Variants in MATCAP2 observed in about 807,000 individuals in gnomAD.
MATCAP2 encodes the protein microtubule associated tyrosine carboxypeptidase 2.
the MATCAP2 span, among the ~76,000 whole-genome samples, chr7:36,339,805 T>G: frequency 6.6e-6 from 1 of 152,220 alleles, no homozygotes; most frequent in Admixed American, 6.5e-5. Context: ...GGTTAAAAAT[T>G]ATCTCTAAGA....
At chr7:36,329,410 T>C in the MATCAP2 span, among the ~76,000 whole-genome samples, 27 of 152,210 alleles carry the variant, frequency 1.8e-4, no homozygotes, top group South Asian at 5.6e-3. Flanking sequence ...GAAGCAAGAG[T>C]ACCCCAGTAG....
At chr7:36,380,586 G>A in the MATCAP2 span, among the ~76,000 whole-genome samples, 1 of 152,186 alleles carries the variant, frequency 6.6e-6, no homozygotes, top group Admixed American at 6.5e-5. Context: ...GAGCAAGTGA[G>A]GCTTAAAGGA....
chr7:36,357,430 C>G, the MATCAP2 span: 1 of 1,614,090 alleles, frequency 6.2e-7, no homozygotes, highest in Non-Finnish European at 8.5e-7. Context: ...CCTCCTTGCT[C>G]TGTAGTAGGA....
the MATCAP2 span, among the ~76,000 whole-genome samples, chr7:36,330,501 A>G: frequency 6.6e-6 from 1 of 152,216 alleles, no homozygotes. Context: ...CAATGTATAA[A>G]TCTTGATTGG....
At chr7:36,351,630 T>C in the MATCAP2 span, among the ~76,000 whole-genome samples, 1 of 152,078 alleles carries the variant, frequency 6.6e-6, no homozygotes, top group African/African-American at 2.4e-5. Flanking sequence ...CACAGAACTA[T>C]TAACTTCCAT....
chr7:36,350,290 T>C, the MATCAP2 span, among the ~76,000 whole-genome samples: 1 of 152,202 alleles, frequency 6.6e-6, no homozygotes, highest in East Asian at 1.9e-4. Context: ...TAATATTATA[T>C]ATGTACCTAT....
the MATCAP2 span, among the ~76,000 whole-genome samples, chr7:36,347,125 G>A: frequency 6.6e-6 from 1 of 152,066 alleles, no homozygotes; most frequent in African/African-American, 2.4e-5. Context: ...ACTTTAGTAT[G>A]ACATGTGAAT....
chr7:36,378,150 C>T, the MATCAP2 span, among the ~76,000 whole-genome samples: 4 of 152,146 alleles, frequency 2.6e-5, no homozygotes, highest in Admixed American at 1.3e-4. Flanking sequence ...CCGTTGCTGG[C>T]GAGGAGCTGT....
the MATCAP2 span, chr7:36,356,575 C>T: frequency 2.0e-6 from 1 of 498,802 alleles, no homozygotes; most frequent in Non-Finnish European, 3.5e-6. Context: ...GTGGGCTACC[C>T]AACACTTGTC....
the MATCAP2 span, among the ~76,000 whole-genome samples, chr7:36,373,912 G>A: frequency 6.6e-6 from 1 of 152,032 alleles, no homozygotes; most frequent in Non-Finnish European, 1.5e-5. Context: ...AGCCTCCCGA[G>A]TAGCTGGGAC....
chr7:36,390,095 C>T, the MATCAP2 span: 1 of 1,611,980 alleles, frequency 6.2e-7, no homozygotes, highest in African/African-American at 1.3e-5. Flanking sequence ...TCTAGGCCCC[C>T]ACCCACCTTC....
the MATCAP2 span, chr7:36,330,848 T>C: frequency 5.5e-6 from 3 of 548,584 alleles, no homozygotes; most frequent in Non-Finnish European, 1.0e-5. Context: ...TCCCTCTTGA[T>C]ACGACATAAA....
At chr7:36,366,669 A>C in the MATCAP2 span, 6 of 1,533,278 alleles carry the variant, frequency 3.9e-6, no homozygotes, top group South Asian at 7.1e-5. Context: ...CTAATATTAC[A>C]ATCTTTTCCA....
chr7:36,374,745 G>A, the MATCAP2 span, among the ~76,000 whole-genome samples: 7 of 152,214 alleles, frequency 4.6e-5, no homozygotes, highest in South Asian at 1.5e-3. Flanking sequence ...GTGCCCACGT[G>A]TTCTCATTGT....
the MATCAP2 span, among the ~76,000 whole-genome samples, chr7:36,359,182 C>G: frequency 1.3e-5 from 2 of 152,188 alleles, no homozygotes; most frequent in Non-Finnish European, 2.9e-5. Flanking sequence ...TAGTTCTTAA[C>G]AGAAGGCAAT....
the MATCAP2 span, among the ~76,000 whole-genome samples, chr7:36,347,614 G>A: frequency 6.6e-6 from 1 of 152,190 alleles, no homozygotes; most frequent in African/African-American, 2.4e-5. Flanking sequence ...ACAGAGTTGT[G>A]AAGACAAAAT....
chr7:36,390,075 G>T, the MATCAP2 span: 6 of 1,613,062 alleles, frequency 3.7e-6, no homozygotes, highest in African/African-American at 6.7e-5. Flanking sequence ...AGCCAGCCAT[G>T]ACCCACCGCT....
At chr7:36,364,478 T>C in the MATCAP2 span, among the ~76,000 whole-genome samples, 1 of 152,172 alleles carries the variant, frequency 6.6e-6, no homozygotes, top group Non-Finnish European at 1.5e-5. Flanking sequence ...TAGCATATAC[T>C]AATAAGTCAA....
the MATCAP2 span, among the ~76,000 whole-genome samples, chr7:36,362,219 C>G: frequency 5.1e-3 from 773 of 152,254 alleles, 8 homozygotes; most frequent in African/African-American, 0.018. Flanking sequence ...AACAGATAAT[C>G]TATTAACTAT....
Sources: allele counts gnomAD v4.1 joint callset (sites outside exome capture counted in the v4.1 genomes callset), GRCh38; gene constraint gnomAD v4.1.1; transcripts MANE v1.5; gene names NCBI Gene and HGNC (gene_info 2026-07-23, HGNC 2026-07-21).